CARD14: variants seen among roughly 807,000 people sequenced by gnomAD.
CARD14 encodes caspase recruitment domain-containing protein 14.
CARD14 carries 107 observed loss-of-function variants against 111.5 expected under a neutral mutation model. The observed-to-expected ratio is 0.96, with a 90% CI of 0.82 to 1.13. The LOEUF (loss-of-function observed/expected upper bound fraction) is 1.13, where lower values mean the gene tolerates loss of function less well. CARD14 is among the 50% of genes most tolerant of loss of function. The pLI, the probability that CARD14 is intolerant of heterozygous loss-of-function variation, is 0.00. For missense variants in CARD14, 1,322 were observed against 1,362.3 expected (o/e 0.97, Z 0.47); for synonymous variants, 617 against 579.6 (o/e 1.06, Z -0.93).
At chr17:80,187,524 G>A (rs2040383234) in intron 7 of CARD14, among the ~76,000 whole-genome samples, 1 of 152,202 alleles carries the variant, frequency 6.6e-6, no homozygotes, top group Non-Finnish European at 1.5e-5. Flanking sequence ...TTTACTTTTT[G>A]AATCTGTGGA....
At position 80,205,140 on chromosome 17, in the gene CARD14, G is replaced by C; in HGVS notation, c.2504G>C (p.Arg835Thr). Reference sequence around the variant, plus strand: ...CCCCGGCCTGTGCTCCTCGTGCCCAGGGCGGTTGGGAAGATCCTGAGCGAG... The same window carrying C: ...CCCCGGCCTGTGCTCCTCGTGCCCACGGCGGTTGGGAAGATCCTGAGCGAG... ...ARPRPVLLVP[R>T]AVGKILSEKL... Residue 835 changes from arginine to threonine, a missense_variant, in exon 21 of 24, where the codon AGG (arginine) becomes ACG (threonine). Arg to Thr is a moderately conservative substitution (Grantham distance 71). Coordinates refer to ENST00000648509, the MANE Select transcript of CARD14 (RefSeq NM_001366385.1). 6.2e-7 allele frequency: 1 copy of C among 1,613,782 alleles called. No homozygotes were observed. Among genetic ancestry groups the C allele is most frequent in the East Asian group, 2.2e-5 (1 of 44,878 alleles).
chr17:80,178,210 G>A (rs2040071928), intron 2 of CARD14, among the ~76,000 whole-genome samples: 1 of 152,164 alleles, frequency 6.6e-6, no homozygotes. Context: ...TGGCCCTGTG[G>A]GGAGCCGCAG....
At chr17:80,193,200 C>T (rs544602105) in intron 12 of CARD14, among the ~76,000 whole-genome samples, 32 of 152,330 alleles carry the variant, frequency 2.1e-4, no homozygotes, top group Middle Eastern at 3.4e-3. Context: ...CATGAGTTTC[C>T]AGGGGAACCG....
chr17:80,188,464 A>G lies in CARD14; in HGVS notation c.763A>G (p.Ser255Gly). Residue 255 changes from serine to glycine, a missense_variant, in exon 8 of 24, where the codon AGC becomes GGC. By Grantham distance (56) the Ser-to-Gly change is moderately conservative. Transcript: ENST00000648509. The surrounding 1 kb of genome is among the most constrained non-coding windows in gnomAD (Gnocchi z 4.5). Reference protein sequence around the residue: ...ELQEQSLRTASDQESGDEELN... With the variant: ...ELQEQSLRTAGDQESGDEELN... ...GCAAGAGCAGTCCCTGAGGACAGCC[A>G]GCGACCAGGAGTCCGGGGATGAGGA... The G allele has an allele frequency of 6.2e-7, 1 of 1,600,170 alleles. No homozygotes were observed. The highest frequency in any genetic ancestry group is 8.5e-7 in the Non-Finnish European group (1 of 1,174,270).
Position 80,188,115 on chromosome 17 carries a change from C to G in CARD14, c.676-262C>G. 1 of 491,772 alleles carries G rather than the reference C, an allele frequency of 2.0e-6. No individual in the cohort carries two copies. Among genetic ancestry groups the G allele is most frequent in the Non-Finnish European group, 2.9e-6 (1 of 344,986 alleles). The allele number at this position is 491,772 out of a possible 1,614,324, so 30.5% of individuals were successfully genotyped here. A position where few individuals can be genotyped will look rare whatever the true frequency, so the allele number is the denominator to read the frequency against. Reference sequence around the variant, plus strand: ...GGTTATCAAGGCCTCTTGGTCTATTCCTGGGACCCTAACCCTGGATGGAGT... The same window carrying G: ...GGTTATCAAGGCCTCTTGGTCTATTGCTGGGACCCTAACCCTGGATGGAGT... On this transcript the variant is annotated intron_variant, in intron 7 of 23. Transcript: ENST00000648509. The surrounding 1 kb of genome is among the most constrained non-coding windows in gnomAD (Gnocchi z 4.5).
At position 80,198,487 on chromosome 17, in the gene CARD14, A is replaced by C; in HGVS notation, c.1747A>C (p.Ile583Leu). 1.2e-6 allele frequency: 2 copies of C among 1,613,626 alleles called. No individual in the cohort carries two copies. Among genetic ancestry groups the C allele is most frequent in the South Asian group, 2.2e-5 (2 of 91,082 alleles). Reference protein sequence around the residue: ...AFQGDALLEQISVIGGNLTGI... With the variant: ...AFQGDALLEQLSVIGGNLTGI... ...CCAGGGGGATGCATTGCTGGAGCAGATCAGCGTCATCGGCGGGAACCTCAC... is the reference window on the plus strand; with the variant it reads ...CCAGGGGGATGCATTGCTGGAGCAGCTCAGCGTCATCGGCGGGAACCTCAC... The change falls in exon 16 of 24, where the codon ATC becomes CTC. Residue 583 changes from isoleucine (I) to leucine (L), a missense_variant. Coordinates refer to ENST00000648509, the MANE Select transcript of CARD14 (RefSeq NM_001366385.1). This position sits in a 1 kb window ranked among gnomAD's most constrained non-coding sequence, Gnocchi z 7.5.
rs759126721 is a variant in CARD14, at chr17:80,198,602, C to T, written c.1851+11C>T. 1.5e-5 allele frequency: 24 copies of T among 1,610,928 alleles called. No homozygotes were observed. The highest frequency in any genetic ancestry group is 1.6e-4 in the Middle Eastern group (1 of 6,078). On this transcript the variant is annotated intron_variant, in intron 16 of 23. Coordinates refer to ENST00000648509, the MANE Select transcript of CARD14 (RefSeq NM_001366385.1). This position sits in a 1 kb window ranked among gnomAD's most constrained non-coding sequence, Gnocchi z 7.5. ...ACCCAGATTGTGATGGTGAGCCGTGCGAGGCCCCTCCTGTCCCCCGGGCTC... is the reference window on the plus strand; with the variant it reads ...ACCCAGATTGTGATGGTGAGCCGTGTGAGGCCCCTCCTGTCCCCCGGGCTC...
At chr17:80,192,262 A>G in intron 11 of CARD14, 1 of 429,792 alleles carries the variant, frequency 2.3e-6, no homozygotes, top group Middle Eastern at 5.3e-4. Flanking sequence ...TAAATCACAC[A>G]TATTCTAAAA....
In CARD14 at chr17:80,204,944, G is replaced by A. The variant is rs183771554; in HGVS notation, c.2399-91G>A. The A allele has an allele frequency of 3.3e-4, 376 of 1,133,472 alleles. 2 individuals carry two copies. In the African/African-American group the frequency reaches 5.2e-3, roughly 16 times the overall value. 70.2% of individuals were successfully genotyped at this position (1,133,472 alleles called of 1,614,324 possible). Reference sequence around the variant, plus strand: ...TTCTAGGTGCTGGGGCTGCTGCAGTGAGCAAAGCAGACCCAGTCCCTCCCG... The same window carrying A: ...TTCTAGGTGCTGGGGCTGCTGCAGTAAGCAAAGCAGACCCAGTCCCTCCCG... On this transcript the variant is annotated intron_variant, in intron 20 of 23. Transcript: ENST00000648509.
chr17:80,205,321 TC>T (rs1432487338), intron 21 of CARD14, 116 bp downstream of exon 21: 1 of 1,151,662 alleles, frequency 8.7e-7, no homozygotes, highest in African/African-American at 1.5e-5. Context: ...CCACGCACAT[TC>T]CCACACTCAC....
Position 80,195,822 on chromosome 17 carries a change from C to T in CARD14, c.1594+170C>T, listed in dbSNP as rs529451009. ...TCGACCTTGCACTTTGGGAAAGTCCCGCCTGCCAGCCAGCGTAAGCCAAAG... is the reference window on the plus strand; with the variant it reads ...TCGACCTTGCACTTTGGGAAAGTCCTGCCTGCCAGCCAGCGTAAGCCAAAG... On this transcript the variant is annotated intron_variant, in intron 14 of 23. Transcript: ENST00000648509. This position sits in a 1 kb window ranked among gnomAD's most constrained non-coding sequence, Gnocchi z 4.7. 1.3e-4 allele frequency: 78 copies of T among 609,366 alleles called. 2 individuals carry two copies. In the South Asian group the frequency reaches 1.4e-3, roughly 11 times the overall value. The allele number at this position is 609,366 out of a possible 1,614,324, so 37.7% of individuals were successfully genotyped here.
intron 10 of CARD14, 64 bp downstream of exon 10, chr17:80,190,963 C>T (rs920080852): frequency 2.7e-5 from 43 of 1,575,378 alleles, no homozygotes; most frequent in Middle Eastern, 4.1e-4. Flanking sequence ...GGGCTGGTTC[C>T]GGGGACAGTC....
intron 2 of CARD14, among the ~76,000 whole-genome samples, chr17:80,173,649 A>G (rs937545319): frequency 1.3e-5 from 2 of 150,858 alleles, no homozygotes; most frequent in Non-Finnish European, 2.9e-5. Context: ...CCCTGGCTGG[A>G]GTGCAATGGC....
chr17:80,187,683 C>A (rs551384775), intron 7 of CARD14: 3 of 898,472 alleles, frequency 3.3e-6, no homozygotes, highest in African/African-American at 1.8e-5. Flanking sequence ...CCCACCCCGA[C>A]GTGCAGACTT....
rs1224252520 is a variant in CARD14, at chr17:80,195,501, G to A, written c.1500-57G>A. On this transcript the variant is annotated intron_variant, in intron 13 of 23. Transcript: ENST00000648509. The surrounding 1 kb of genome is among the most constrained non-coding windows in gnomAD (Gnocchi z 4.7). Reference sequence around the variant, plus strand: ...GCTGGGGGCCAGTGCTTGGGGCGTGGGGACTCAGAGGGAGCAGGTGATGCA... The same window carrying A: ...GCTGGGGGCCAGTGCTTGGGGCGTGAGGACTCAGAGGGAGCAGGTGATGCA... 3 of 1,546,932 alleles carry A rather than the reference G, an allele frequency of 1.9e-6. No individual in the cohort carries two copies. The highest frequency in any genetic ancestry group is 1.8e-5 in the Admixed American group (1 of 54,742).
chr17:80,183,000 G>A lies in CARD14; in HGVS notation c.349+210G>A, dbSNP rs149143487. On this transcript the variant is annotated intron_variant, in intron 6 of 23. Transcript: ENST00000648509. This position sits in a 1 kb window ranked among gnomAD's most constrained non-coding sequence, Gnocchi z 4.7. ...TAAGGAGCCCCTGGGCCTTGACTCT[G>A]AAGGGTCGGTCCTTAGTTACCCAGT... Among the ~76,000 whole-genome samples the A allele has an allele frequency of 6.2e-3, 949 of 152,294 alleles. 7 individuals carry two copies. The highest frequency in any genetic ancestry group is 0.019 in the African/African-American group (791 of 41,562).
At chr17:80,199,095 C>T (rs1244734883) in intron 16 of CARD14, among the ~76,000 whole-genome samples, 1 of 152,144 alleles carries the variant, frequency 6.6e-6, no homozygotes, top group African/African-American at 2.4e-5. Flanking sequence ...GACCAGACCA[C>T]AAGCATGCGC....
At chr17:80,173,554 T>C (rs1474195189) in intron 2 of CARD14, among the ~76,000 whole-genome samples, 1 of 152,212 alleles carries the variant, frequency 6.6e-6, no homozygotes, top group Non-Finnish European at 1.5e-5. Flanking sequence ...TTTTATGTAC[T>C]GCTCCTTGAG....
At position 80,198,471 on chromosome 17, in the gene CARD14, T is replaced by C. The variant is rs544636985; in HGVS notation, c.1731T>C (p.Asp577=). The C allele has an allele frequency of 5.6e-6, 9 of 1,613,084 alleles. No individual in the cohort carries two copies. In the African/African-American group the frequency reaches 6.7e-5, roughly 12 times the overall value. The change falls in exon 16 of 24, where the codon GAT becomes GAC. Residue 577 remains aspartate, a synonymous_variant. Coordinates refer to ENST00000648509, the MANE Select transcript of CARD14 (RefSeq NM_001366385.1). This position sits in a 1 kb window ranked among gnomAD's most constrained non-coding sequence, Gnocchi z 7.5. ...TCACCATGCTGGCGTTCCAGGGGGA[T>C]GCATTGCTGGAGCAGATCAGCGTCA... The part of the protein sequence containing the change: ...SQVTMLAFQG[D]ALLEQISVIG...
Sources: allele counts gnomAD v4.1 joint callset (sites outside exome capture counted in the v4.1 genomes callset), GRCh38; gene constraint gnomAD v4.1.1; non-coding constraint Gnocchi (gnomAD v3.1); transcripts MANE v1.5; gene names NCBI Gene and HGNC (gene_info 2026-07-23, HGNC 2026-07-21).